The following RUFY4 variants were observed in gnomAD, a reference collection of about 807,000 sequenced individuals.
RUFY4 encodes the protein RUN and FYVE domain containing 4.
A neutral mutation model predicts 69.0 loss-of-function variants in RUFY4; 73 were observed. The ratio of observed to expected loss-of-function variants is 1.06; its 90% CI spans 0.88 to 1.29. The LOEUF (loss-of-function observed/expected upper bound fraction) is 1.29, where lower values mean the gene tolerates loss of function less well. Among genes scored for constraint, RUFY4 ranks in the 50% most tolerant of loss-of-function variants. RUFY4 has a pLI of 0.00. For missense variants in RUFY4, 770 were observed against 705.6 expected (o/e 1.09, Z -1.03); for synonymous variants, 287 against 271.8 (o/e 1.06, Z -0.55).
intron 3 of RUFY4, among the ~76,000 whole-genome samples, chr2:218,063,927 A>G (rs1474404462): frequency 6.6e-6 from 1 of 151,892 alleles, no homozygotes; most frequent in South Asian, 2.1e-4. Flanking sequence ...GTCCTTTCTG[A>G]CCCCTCTTGA....
At chr2:218,088,824 C>T (rs1689956132) in intron 9 of RUFY4, among the ~76,000 whole-genome samples, 2 of 152,080 alleles carry the variant, frequency 1.3e-5, no homozygotes, top group South Asian at 4.2e-4. Context: ...GTGTCTTCTC[C>T]TCTGTCTCCA....
chr2:218,074,032 C>G (rs1438469030), intron 6 of RUFY4, 147 bp downstream of exon 8: 1 of 804,294 alleles, frequency 1.2e-6, no homozygotes, highest in Non-Finnish European at 2.1e-6. Flanking sequence ...GTGTGTGGAG[C>G]AGGGGACTGG....
At chr2:218,060,582 C>T in intron 3 of RUFY4, 2 of 1,333,284 alleles carry the variant, frequency 1.5e-6, no homozygotes, top group Non-Finnish European at 2.2e-6. Context: ...CATTGGTCAT[C>T]TGGGTTCCCA....
chr2:218,082,717 GTTGT>G (rs1689789806), intron 8 of RUFY4, among the ~76,000 whole-genome samples: 1 of 150,772 alleles, frequency 6.6e-6, no homozygotes. Flanking sequence ...TATATGTTGT[GTTGT>G]TTGTGTTCTG....
chr2:218,073,706 G>T, intron 5 of RUFY4, 110 bp from the exon 8 acceptor site: 1 of 1,177,952 alleles, frequency 8.5e-7, no homozygotes, highest in Non-Finnish European at 1.2e-6. Context: ...CAGGAAGGAG[G>T]AAGTGTCATG....
chr2:218,066,309 C>G (rs1689329703), upstream of RUFY4, among the ~76,000 whole-genome samples: 1 of 151,264 alleles, frequency 6.6e-6, no homozygotes, highest in African/African-American at 2.4e-5. Flanking sequence ...TCAGCCTCCC[C>G]AGAAGCTGGG....
chr2:218,072,277 C>T, intron 2 of RUFY4, 97 bp from the exon 5 acceptor site: 2 of 1,407,304 alleles, frequency 1.4e-6, no homozygotes. Context: ...CTGCAGGAGC[C>T]CTCTCCTCCA....
intron 3 of RUFY4, 47 bp from the exon 6 acceptor site, chr2:218,072,732 C>G (rs1339802430): frequency 7.0e-7 from 1 of 1,419,542 alleles, no homozygotes; most frequent in Non-Finnish European, 9.3e-7. Context: ...ACCTGGGCGC[C>G]CTTTGTCCTA....
chr2:218,054,704 AT>A (rs1200241242), intron 2 of RUFY4, among the ~76,000 whole-genome samples: 6 of 152,220 alleles, frequency 3.9e-5, no homozygotes, highest in African/African-American at 1.4e-4. Context: ...ACAAATTATG[AT>A]TTTTATATCA....
intron 8 of RUFY4, among the ~76,000 whole-genome samples, chr2:218,080,401 T>G (rs1460859653): frequency 6.6e-6 from 1 of 152,182 alleles, no homozygotes; most frequent in African/African-American, 2.4e-5. Context: ...CATGGGGCTG[T>G]GAAAACGGAC....
chr2:218,084,086 G>A (rs748498507), intron 9 of RUFY4, among the ~76,000 whole-genome samples: 111 of 152,322 alleles, frequency 7.3e-4, no homozygotes, highest in Non-Finnish European at 1.3e-3. Flanking sequence ...GAGAGATGGG[G>A]AAGATGCGGA....
exon 7 of RUFY4, chr2:218,075,446 G>A (rs1330279593): frequency 1.2e-6 from 2 of 1,609,782 alleles, no homozygotes; most frequent in Non-Finnish European, 1.7e-6. Flanking sequence ...AGGTCACAGG[G>A]GTTCTGCTGG....
At chr2:218,077,316 C>T (rs149456692) in intron 8 of RUFY4, among the ~76,000 whole-genome samples, 50 of 152,302 alleles carry the variant, frequency 3.3e-4, no homozygotes, top group African/African-American at 1.1e-3. Context: ...GCCCACAGCA[C>T]GCTGTCTGTC....
At chr2:218,075,621 C>T (rs1249096243) in exon 7 of RUFY4, 1 of 1,519,908 alleles carries the variant, frequency 6.6e-7, no homozygotes. Flanking sequence ...GCCCTGGGTC[C>T]TTCAGGGACA....
intron 2 of RUFY4, among the ~76,000 whole-genome samples, chr2:218,051,996 A>G (rs963629783): frequency 6.6e-6 from 1 of 152,050 alleles, no homozygotes; most frequent in Non-Finnish European, 1.5e-5. Flanking sequence ...TAAATTGATA[A>G]TTTCCTTTCT....
chr2:218,063,816 A>G lies in RUFY4; in HGVS notation c.-1070-4779A>G, dbSNP rs574888608. ...CTGTATTAGACAAAATAATCTCACCACCTTACACGTCAGCCCATAAGGCAA... is the reference window on the plus strand; with the variant it reads ...CTGTATTAGACAAAATAATCTCACCGCCTTACACGTCAGCCCATAAGGCAA... On this transcript the variant is annotated intron_variant and NMD_transcript_variant, in intron 3 of 13. Transcript: ENST00000457754. Among the ~76,000 whole-genome samples, 242 of 152,012 alleles carry G rather than the reference A, an allele frequency of 1.6e-3. 7 individuals carry two copies. In the South Asian group the frequency reaches 0.046, roughly 29 times the overall value.
At chr2:218,049,581 A>AC (rs1007291759) in intron 2 of RUFY4, among the ~76,000 whole-genome samples, 29 of 151,326 alleles carry the variant, frequency 1.9e-4, no homozygotes, top group African/African-American at 7.1e-4. Context: ...AACTCAGCTC[A>AC]CCGCAGCCTC....
chr2:218,043,436 A>G (rs1219272514), intron 2 of RUFY4, among the ~76,000 whole-genome samples: 1 of 151,678 alleles, frequency 6.6e-6, no homozygotes, highest in Non-Finnish European at 1.5e-5. Flanking sequence ...CTCTCAGCAG[A>G]GAGGGTAGCT....
Position 218,045,279 on chromosome 2 carries a change from G to C in RUFY4, c.-1158+9885G>C, listed in dbSNP as rs185308631. On this transcript the variant is annotated intron_variant and NMD_transcript_variant, in intron 2 of 13. Transcript: ENST00000457754. ...GACTTTTTAAAACTTCTCTAGACAAGAAGTCAAGCAAAGAACTTGCCCATT... is the reference window on the plus strand; with the variant it reads ...GACTTTTTAAAACTTCTCTAGACAACAAGTCAAGCAAAGAACTTGCCCATT... Among the ~76,000 whole-genome samples the C allele has an allele frequency of 3.5e-4, 54 of 152,210 alleles. No individual in the cohort carries two copies. The East Asian group carries it at 9.7e-3, about 27-fold the overall frequency.
Sources: allele counts gnomAD v4.1 joint callset (sites outside exome capture counted in the v4.1 genomes callset), GRCh38; gene constraint gnomAD v4.1.1; transcripts MANE v1.5; gene names NCBI Gene and HGNC (gene_info 2026-07-23, HGNC 2026-07-21).